MYO1E: variants seen among roughly 807,000 people sequenced by gnomAD.
MYO1E encodes unconventional myosin-Ie.
Under a neutral mutation model 151.1 loss-of-function variants are expected in MYO1E, and 68 were observed. The ratio of observed to expected loss-of-function variants is 0.45; its 90% confidence interval spans 0.37 to 0.55. MYO1E has a LOEUF of 0.55. Ranked by LOEUF, MYO1E falls within the 20% of genes least tolerant of loss-of-function variation. The pLI is 0.00. For synonymous variants in MYO1E, 601 were observed against 501.7 expected, an observed-to-expected ratio of 1.20 and a Z score of -2.64; for missense variants, 1,363 against 1,389.3, an observed-to-expected ratio of 0.98 and a Z score of 0.30.
intron 19 of MYO1E, 75 bp from the exon 20 acceptor site, chr15:59,174,315 C>A: frequency 9.6e-7 from 1 of 1,037,980 alleles, no homozygotes; most frequent in African/African-American, 1.6e-5. Flanking sequence ...CTTGTTATTC[C>A]AGGGACCCTC....
At chr15:59,343,474 A>C (rs78562615) in intron 1 of MYO1E, among the ~76,000 whole-genome samples, 3,084 of 152,180 alleles carry the variant, frequency 0.02, 49 homozygotes, top group Middle Eastern at 0.044. Flanking sequence ...TTGTTATTAC[A>C]TGCCTTGAGG....
rs148702401 is a variant in MYO1E at position 59,159,008 on chromosome 15, T to C, written c.2786-629A>G. On this transcript the variant is annotated intron_variant, in intron 24 of 27. Transcript: ENST00000288235. This position sits in a 1 kb window ranked among gnomAD's most constrained non-coding sequence, Gnocchi z 4.4. Reference sequence around the variant, plus strand: ...GCCAGAGGAGATCTCTGCAGAGACATCTATGTGGGGAAGAAAAACAATAGG... The same window carrying C: ...GCCAGAGGAGATCTCTGCAGAGACACCTATGTGGGGAAGAAAAACAATAGG... Among the ~76,000 whole-genome samples the C allele has an allele frequency of 2.7e-3, 408 of 152,140 alleles. 2 individuals are homozygous for C. Among genetic ancestry groups the C allele is most frequent in the Non-Finnish European group, 3.4e-3 (232 of 67,986 alleles).
intron 4 of MYO1E, among the ~76,000 whole-genome samples, chr15:59,238,165 T>C (rs1034283214): frequency 6.6e-6 from 1 of 152,172 alleles, no homozygotes; most frequent in Admixed American, 6.5e-5. Context: ...AGGCAGCAAC[T>C]AGGTCGGGCA....
chr15:59,347,590 G>A (rs759907785), intron 1 of MYO1E, among the ~76,000 whole-genome samples: 13 of 152,066 alleles, frequency 8.5e-5, no homozygotes, highest in Non-Finnish European at 1.3e-4. Flanking sequence ...AACATATTCC[G>A]AAACTAGAGT....
At chr15:59,248,170 A>G (rs2080141968) in intron 4 of MYO1E, among the ~76,000 whole-genome samples, 1 of 149,180 alleles carries the variant, frequency 6.7e-6, no homozygotes, top group Admixed American at 6.7e-5. Context: ...ATTAGTGAAC[A>G]CAAGGCATGG....
At chr15:59,355,105 G>A (rs1242829427) in intron 1 of MYO1E, among the ~76,000 whole-genome samples, 2 of 152,130 alleles carry the variant, frequency 1.3e-5, no homozygotes, top group Non-Finnish European at 1.5e-5. Flanking sequence ...GGCACTTTTG[G>A]TCTAGTGGGG....
chr15:59,346,590 A>C (rs919897933), intron 1 of MYO1E, among the ~76,000 whole-genome samples: 9 of 152,142 alleles, frequency 5.9e-5, no homozygotes, highest in African/African-American at 2.2e-4. Flanking sequence ...ATCCCATTCA[A>C]ATCAGTAACA....
At chr15:59,304,615 T>TA (rs1163037651) in intron 1 of MYO1E, among the ~76,000 whole-genome samples, 1 of 152,232 alleles carries the variant, frequency 6.6e-6, no homozygotes, top group African/African-American at 2.4e-5. Context: ...GGATTCAGCA[T>TA]AACTTTTTTT....
At chr15:59,256,260 C>T in intron 4 of MYO1E, 24 bp downstream of exon 4, 1 of 1,533,762 alleles carries the variant, frequency 6.5e-7, no homozygotes, top group African/African-American at 1.4e-5. Flanking sequence ...CTTCCACGCC[C>T]ACTGATAAGG....
At position 59,225,291 on chromosome 15, in the gene MYO1E, T is replaced by C. The variant is rs142203329; in HGVS notation, c.643-468A>G. On this transcript the variant is annotated intron_variant, in intron 7 of 27. Coordinates refer to ENST00000288235, the MANE Select transcript of MYO1E (RefSeq NM_004998.4). ...CAGGATCTACTTCCTTGCCATGACATAACCACTTGCATTCTAGCTTCTCCC... is the reference window on the plus strand; with the variant it reads ...CAGGATCTACTTCCTTGCCATGACACAACCACTTGCATTCTAGCTTCTCCC... 4.3e-4 allele frequency among the ~76,000 whole-genome samples: 65 copies of C among 152,308 alleles called. No individual in the cohort carries two copies. In the East Asian group the frequency reaches 0.011, roughly 25 times the overall value.
intron 22 of MYO1E, among the ~76,000 whole-genome samples, chr15:59,164,680 G>A (rs2079554725): frequency 6.6e-6 from 1 of 152,206 alleles, no homozygotes; most frequent in Admixed American, 6.5e-5. Flanking sequence ...CCATTCACAG[G>A]TCAAGGTAGG....
intron 4 of MYO1E, among the ~76,000 whole-genome samples, chr15:59,250,637 G>A (rs1596385017): frequency 1.3e-5 from 2 of 152,256 alleles, no homozygotes; most frequent in Non-Finnish European, 1.5e-5. Context: ...GGGGCGGGGG[G>A]TAGTGGGAAC....
Position 59,205,577 on chromosome 15 carries a change from A to G in MYO1E, c.1531-92T>C, listed in dbSNP as rs150414773. On this transcript the variant is annotated intron_variant, in intron 14 of 27. Transcript: ENST00000288235. ...ATTGAACAAAAAATCTAATTTCACC[A>G]AACAAAAAACCAAAGCTGTCATGGC... 1,395 of 1,235,970 alleles carry G rather than the reference A, an allele frequency of 1.1e-3. 18 individuals carry two copies. The African/African-American group carries it at 0.018, about 16-fold the overall frequency. The allele number at this position is 1,235,970 out of a possible 1,614,324, so 76.6% of individuals were successfully genotyped here.
intron 20 of MYO1E, 45 bp from the exon 21 acceptor site, chr15:59,173,960 C>T (rs756436306): frequency 6.3e-7 from 1 of 1,599,038 alleles, no homozygotes; most frequent in Non-Finnish European, 8.6e-7. Flanking sequence ...ATAAGTCAGT[C>T]AGAAAAGGGA....
chr15:59,353,577 G>T (rs1273092501), intron 1 of MYO1E, among the ~76,000 whole-genome samples: 1 of 150,832 alleles, frequency 6.6e-6, no homozygotes, highest in Non-Finnish European at 1.5e-5. Flanking sequence ...CTAACATGGA[G>T]AAACCCCGTT....
intron 22 of MYO1E, among the ~76,000 whole-genome samples, chr15:59,167,366 C>T (rs1188019926): frequency 1.3e-5 from 2 of 152,102 alleles, no homozygotes; most frequent in Admixed American, 1.3e-4. Context: ...CATCAGAGAC[C>T]CCCAAATAAG....
chr15:59,299,051 G>C (rs1396415894), intron 1 of MYO1E, among the ~76,000 whole-genome samples: 2 of 152,160 alleles, frequency 1.3e-5, no homozygotes, highest in East Asian at 3.8e-4. Flanking sequence ...AGACATGAAG[G>C]CCAGTGAGCT....
intron 12 of MYO1E, among the ~76,000 whole-genome samples, chr15:59,211,407 C>T (rs2079878559): frequency 6.6e-6 from 1 of 152,136 alleles, no homozygotes; most frequent in African/African-American, 2.4e-5. Flanking sequence ...GTGGTAGAGT[C>T]TCAGGGCTCA....
At chr15:59,160,230 G>T (rs759616304) in intron 24 of MYO1E, among the ~76,000 whole-genome samples, 1 of 152,000 alleles carries the variant, frequency 6.6e-6, no homozygotes, top group Non-Finnish European at 1.5e-5. Flanking sequence ...TACATAGCAT[G>T]TATGATTATT....
Sources: allele counts gnomAD v4.1 joint callset (sites outside exome capture counted in the v4.1 genomes callset), GRCh38; gene constraint gnomAD v4.1.1; non-coding constraint Gnocchi (gnomAD v3.1); transcripts MANE v1.5; gene names NCBI Gene and HGNC (gene_info 2026-07-23, HGNC 2026-07-21).